Variants in WASF2 observed in about 807,000 individuals in gnomAD.
WASF2 encodes WASP family member 2.
A neutral mutation model predicts 45.0 loss-of-function variants in WASF2; 14 were observed. The observed-to-expected ratio is 0.31, with a 90% CI of 0.21 to 0.49. The LOEUF (loss-of-function observed/expected upper bound fraction) is 0.49, where lower values mean the gene tolerates loss of function less well. Among genes scored for constraint, WASF2 ranks in the 20% least tolerant of loss-of-function variants. The probability of loss-of-function intolerance (pLI) is 0.99; values close to 1 mark genes in which losing one functional copy is unlikely to be tolerated. For synonymous variants in WASF2, 200 were observed against 236.3 expected, an observed-to-expected ratio of 0.85 and a Z score of 1.41; for missense variants, 439 against 636.1, an observed-to-expected ratio of 0.69 and a Z score of 3.33.
At position 27,408,055 on chromosome 1, in the gene WASF2, G is replaced by C. The variant is rs2016703894; in HGVS notation, c.*134C>G. On this transcript the variant is annotated 3_prime_UTR_variant, in exon 9 of 9. Coordinates refer to ENST00000618852, the MANE Select transcript of WASF2 (RefSeq NM_006990.5). ...GAAGCACTTGGATATATCTTTGGTT[G>C]CTTCAGGGAAAGCTTTGGCCCCTTA... 7 of 1,047,778 alleles carry C rather than the reference G, an allele frequency of 6.7e-6. No homozygotes were observed. The highest frequency in any genetic ancestry group is 3.0e-5 in the Admixed American group (1 of 33,752). The allele number at this position is 1,047,778 out of a possible 1,614,324, so 64.9% of individuals were successfully genotyped here.
chr1:27,418,859 C>G, intron 3 of WASF2, 95 bp downstream of exon 3: 1 of 1,391,616 alleles, frequency 7.2e-7, no homozygotes, highest in South Asian at 1.4e-5. Context: ...TGTGATTTCT[C>G]TCCTCACGTT....
In WASF2 at chr1:27,410,007, C is replaced by G; in HGVS notation, c.1024G>C (p.Gly342Arg). 6.2e-7 allele frequency: 1 copy of G among 1,613,364 alleles called. No homozygotes were observed. Among genetic ancestry groups the G allele is most frequent in the Non-Finnish European group, 8.5e-7 (1 of 1,179,800 alleles). Residue 342 changes from glycine to arginine, a missense_variant, in exon 8 of 9, where the codon GGG (glycine) becomes CGG (arginine). By Grantham distance (125) the Gly-to-Arg change is moderately radical (BLOSUM62 -2). Around this residue, in one of 5 missense-constraint regions of WASF2, gnomAD observed 286 missense variants for 373.5 expected, o/e 0.77. Coordinates refer to ENST00000618852, the MANE Select transcript of WASF2 (RefSeq NM_006990.5). This position sits in a 1 kb window ranked among gnomAD's most constrained non-coding sequence, Gnocchi z 4.2. Reference sequence around the variant, plus strand: ...GGTGGTGGAGGCGTCCCTGGAGACCCAAATCCTACAGGCGGTGGTGGAGGT... The same window carrying G: ...GGTGGTGGAGGCGTCCCTGGAGACCGAAATCCTACAGGCGGTGGTGGAGGT... ...IPPPPPPVGF[G>R]SPGTPPPPSP...
chr1:27,444,081 A>C (rs1003709951), intron 1 of WASF2, among the ~76,000 whole-genome samples: 5 of 151,912 alleles, frequency 3.3e-5, no homozygotes, highest in Non-Finnish European at 5.9e-5. Context: ...GCCTGGCCTT[A>C]GTTGTTTTTA....
chr1:27,456,641 A>C (rs2017471091), intron 1 of WASF2, among the ~76,000 whole-genome samples: 1 of 152,110 alleles, frequency 6.6e-6, no homozygotes, highest in South Asian at 2.1e-4. Context: ...AGTGGTTAGG[A>C]ATAAATAAAT....
intron 1 of WASF2, among the ~76,000 whole-genome samples, chr1:27,476,681 G>C (rs2017770895): frequency 6.6e-6 from 1 of 152,042 alleles, no homozygotes; most frequent in South Asian, 2.1e-4. Context: ...AGAAATAAGA[G>C]AGTTGTGACA....
At chr1:27,457,346 C>A (rs554668561) in intron 1 of WASF2, 34 of 152,012 alleles carry the variant, frequency 2.2e-4, no homozygotes, top group African/African-American at 8.2e-4. Context: ...GAGGCTGAGG[C>A]AGGTGGATCC....
chr1:27,413,579 AGCCTTGGC>A (rs2016792950), intron 6 of WASF2, among the ~76,000 whole-genome samples: 1 of 152,310 alleles, frequency 6.6e-6, no homozygotes, highest in African/African-American at 2.4e-5. Flanking sequence ...GGAGCCCTGG[AGCCTTGGC>A]ACGTCTCTTT....
chr1:27,428,924 G>A lies in WASF2; in HGVS notation c.-34C>T, dbSNP rs781319664. The A allele has an allele frequency of 5.0e-6, 8 of 1,589,726 alleles. No homozygotes were observed. The highest frequency in any genetic ancestry group is 6.9e-6 in the Non-Finnish European group (8 of 1,164,836). ...TGCTTCAGGCAATGTTCTGAATGGT[G>A]AAAAACAACCTAAAAAAGAAATAAC... is the stretch of plus-strand genomic sequence containing the variant. On this transcript the variant is annotated 5_prime_UTR_variant, in exon 2 of 9. Coordinates refer to ENST00000618852, the MANE Select transcript of WASF2 (RefSeq NM_006990.5).
chr1:27,439,117 G>A (rs1351550827), intron 1 of WASF2, among the ~76,000 whole-genome samples: 1 of 152,136 alleles, frequency 6.6e-6, no homozygotes, highest in Non-Finnish European at 1.5e-5. Context: ...ACAGGTGTGG[G>A]TTTCACTCCA....
intron 1 of WASF2, among the ~76,000 whole-genome samples, chr1:27,474,044 G>C (rs1043484317): frequency 6.6e-6 from 1 of 152,226 alleles, no homozygotes; most frequent in Admixed American, 6.5e-5. Context: ...AGCCCACACA[G>C]ATGTGGGGAG....
At chr1:27,471,217 C>T (rs962852627) in intron 1 of WASF2, among the ~76,000 whole-genome samples, 5 of 150,720 alleles carry the variant, frequency 3.3e-5, no homozygotes, top group South Asian at 2.1e-4. Flanking sequence ...TAGTGGCGGG[C>T]GCCTGTAGTC....
At chr1:27,479,277 C>T (rs959753422) in intron 1 of WASF2, among the ~76,000 whole-genome samples, 1 of 145,602 alleles carries the variant, frequency 6.9e-6, no homozygotes, top group African/African-American at 2.7e-5. Context: ...CAGAGTGAGA[C>T]TCCATCTCAA....
intron 1 of WASF2, among the ~76,000 whole-genome samples, chr1:27,477,396 T>C (rs1332574864): frequency 6.6e-6 from 1 of 151,962 alleles, no homozygotes; most frequent in Non-Finnish European, 1.5e-5. Context: ...AAAAATTAGC[T>C]GGGCGTGTTG....
At chr1:27,420,828 A>G (rs1249608026) in intron 2 of WASF2, among the ~76,000 whole-genome samples, 1 of 151,850 alleles carries the variant, frequency 6.6e-6, no homozygotes, top group African/African-American at 2.4e-5. Context: ...CGGGCCTACC[A>G]TCTGAGCTTC....
chr1:27,430,308 C>T (rs1173993428), intron 1 of WASF2, among the ~76,000 whole-genome samples: 3 of 152,160 alleles, frequency 2.0e-5, no homozygotes, highest in Non-Finnish European at 4.4e-5. Flanking sequence ...ATTCACTTCA[C>T]ATGAAAAGGT....
chr1:27,486,810 G>C (rs2017933720), intron 1 of WASF2, among the ~76,000 whole-genome samples: 1 of 151,890 alleles, frequency 6.6e-6, no homozygotes. Context: ...TGTAGTCCCA[G>C]ATACTTGGGA....
intron 1 of WASF2, among the ~76,000 whole-genome samples, chr1:27,452,261 T>C (rs761206657): frequency 3.9e-5 from 6 of 152,206 alleles, no homozygotes; most frequent in African/African-American, 1.4e-4. Context: ...ACGCCTGTAA[T>C]CCCAACACTT....
chr1:27,489,876 G>A (rs1440527772), intron 1 of WASF2, 110 bp downstream of exon 1: 1 of 152,220 alleles, frequency 6.6e-6, no homozygotes, highest in East Asian at 1.9e-4. Context: ...CCAGTCCGCA[G>A]TAGGAGTCCC....
chr1:27,467,208 CT>C (rs2017624884), intron 1 of WASF2, among the ~76,000 whole-genome samples: 1 of 128,512 alleles, frequency 7.8e-6, no homozygotes, highest in South Asian at 2.6e-4. Flanking sequence ...AGAGTGAGAC[CT>C]TGTCTCAAAA....
Sources: gnomAD v4.1 joint callset for allele counts (sites outside exome capture counted in the v4.1 genomes callset) on GRCh38, gnomAD v4.1.1 for gene constraint, gnomAD v4.1.1 regional missense constraint, Gnocchi (gnomAD v3.1) non-coding constraint, MANE v1.5 for transcripts, NCBI Gene and HGNC (gene_info 2026-07-23, HGNC 2026-07-21) for gene names.